HTRA1: variants seen among roughly 807,000 people sequenced by gnomAD.
The protein encoded by HTRA1 is serine protease HTRA1.
In HTRA1, 26 loss-of-function variants were observed where a neutral mutation model predicts 49.7. That is an observed-to-expected ratio of 0.52 (90% CI 0.38 to 0.73). The LOEUF (loss-of-function observed/expected upper bound fraction) is 0.73. HTRA1 is among the 30% of genes least tolerant of loss of function. HTRA1 has a pLI of 0.00. For synonymous variants in HTRA1, 291 were observed against 286.9 expected, an observed-to-expected ratio of 1.01 and a Z score of -0.14; for missense variants, 561 against 667.2, an observed-to-expected ratio of 0.84 and a Z score of 1.75.
chr10:122,507,755 C>T (rs1591040598), intron 5 of HTRA1, among the ~76,000 whole-genome samples: 2 of 152,182 alleles, frequency 1.3e-5, no homozygotes, highest in South Asian at 4.1e-4. Context: ...ACCGAAAGCA[C>T]CTCCTCCAAA....
intron 3 of HTRA1, among the ~76,000 whole-genome samples, chr10:122,497,208 CCTT>C (rs1171623329): frequency 6.6e-6 from 1 of 152,176 alleles, no homozygotes. Context: ...CATGGTATTT[CCTT>C]CTTTGCTTTA....
At chr10:122,479,936 C>T (rs528036212) in intron 1 of HTRA1, among the ~76,000 whole-genome samples, 185 of 152,216 alleles carry the variant, frequency 1.2e-3, no homozygotes, top group Non-Finnish European at 2.4e-3. Context: ...TTGAGAAGAG[C>T]CACTTGGAGG....
Position 122,496,225 on chromosome 10 carries a change from G to GTTTTTTTTTTTTTTTTT in HTRA1, c.777+6601_777+6602insTTTTTTTTTTTTTTTTT, listed in dbSNP as rs1287521208. Among the ~76,000 whole-genome samples, 555 of 80,398 alleles carry GTTTTTTTTTTTTTTTTT rather than the reference G, an allele frequency of 6.9e-3. 234 individuals are homozygous for GTTTTTTTTTTTTTTTTT. Among genetic ancestry groups the GTTTTTTTTTTTTTTTTT allele is most frequent in the Middle Eastern group, 0.016 (2 of 122 alleles). 52.7% of individuals were successfully genotyped at this position (80,398 alleles called of 152,430 possible). A position where few individuals can be genotyped will look rare whatever the true frequency, so the allele number is the denominator to read the frequency against. On this transcript the variant is annotated intron_variant, in intron 3 of 8. Transcript: ENST00000368984. ...CCCTTTCGTTTGCCAGAGATTGTGGGTTCTTTTTTTTTTTTTTTTTTTTTT... is the reference window on the plus strand; with the variant it reads ...CCCTTTCGTTTGCCAGAGATTGTGGGTTTTTTTTTTTTTTTTTTTCTTTTTTTTTTTTTTTTTTTTTT...
chr10:122,502,466 G>C (rs1486131812), intron 3 of HTRA1, among the ~76,000 whole-genome samples: 1 of 152,164 alleles, frequency 6.6e-6, no homozygotes, highest in Non-Finnish European at 1.5e-5. Flanking sequence ...GAGACCTGGA[G>C]CCCATGGCCA....
intron 1 of HTRA1, among the ~76,000 whole-genome samples, chr10:122,470,351 G>C (rs1296017455): frequency 2.6e-5 from 4 of 152,210 alleles, no homozygotes; most frequent in African/African-American, 9.6e-5. Context: ...GCAGGATACT[G>C]TGAAAGTCCA....
rs1367387185 is a variant in HTRA1 at position 122,494,244 on chromosome 10, G to A, written c.777+4618G>A. Among the ~76,000 whole-genome samples, 1 of 152,130 alleles carries A rather than the reference G, an allele frequency of 6.6e-6. No individual in the cohort carries two copies. The highest frequency in any genetic ancestry group is 1.5e-5 in the Non-Finnish European group (1 of 68,030). On this transcript the variant is annotated intron_variant, in intron 3 of 8. Transcript: ENST00000368984. The surrounding 1 kb of genome is among the most constrained non-coding windows in gnomAD (Gnocchi z 4.0). ...GGGGTTGGGGGCACATCCGGCTGTC[G>A]GTCCTCAGGTAGGAGGTGCTTGGCA...
intron 1 of HTRA1, among the ~76,000 whole-genome samples, chr10:122,485,617 TC>T (rs1468665068): frequency 6.6e-6 from 1 of 152,154 alleles, no homozygotes; most frequent in African/African-American, 2.4e-5. Flanking sequence ...CTCCTTGATC[TC>T]CCTTGTTGCT....
chr10:122,465,680 G>A (rs1032292746), intron 1 of HTRA1, among the ~76,000 whole-genome samples: 12 of 152,196 alleles, frequency 7.9e-5, no homozygotes, highest in African/African-American at 2.9e-4. Flanking sequence ...GGAGCCTGAA[G>A]ACAAGGTTGC....
chr10:122,462,589 G>C (rs7915081), intron 1 of HTRA1, among the ~76,000 whole-genome samples: 20,030 of 152,282 alleles, frequency 0.13, 1,827 homozygotes, highest in African/African-American at 0.25. Context: ...TCACTGCTTT[G>C]ATCACGGGAC....
chr10:122,464,202 G>A lies in HTRA1; in HGVS notation c.472+2078G>A, dbSNP rs2097482787. 6.6e-6 allele frequency among the ~76,000 whole-genome samples: 1 copy of A among 152,184 alleles called. No individual in the cohort carries two copies. Among genetic ancestry groups the A allele is most frequent in the South Asian group, 2.1e-4 (1 of 4,828 alleles). On this transcript the variant is annotated intron_variant, in intron 1 of 8. Transcript: ENST00000368984. This position sits in a 1 kb window ranked among gnomAD's most constrained non-coding sequence, Gnocchi z 4.8. ...TCGCTGTTTGTGGTCTCATCGCACG[G>A]GGTCCTGAGTTGCTGGCACCATGCG...
At chr10:122,469,796 C>T (rs2097485366) in intron 1 of HTRA1, among the ~76,000 whole-genome samples, 1 of 152,228 alleles carries the variant, frequency 6.6e-6, no homozygotes, top group Non-Finnish European at 1.5e-5. Context: ...ATGTCTGTTT[C>T]ACTCCCAAAC....
At chr10:122,512,155 C>A in intron 8 of HTRA1, 90 bp downstream of exon 8, 1 of 935,372 alleles carries the variant, frequency 1.1e-6, no homozygotes, top group Non-Finnish European at 1.8e-6. Context: ...TTTCTACTGG[C>A]TCAGATGATT....
intron 5 of HTRA1, among the ~76,000 whole-genome samples, chr10:122,508,291 C>T (rs780825020): frequency 1.3e-5 from 2 of 152,216 alleles, no homozygotes; most frequent in Non-Finnish European, 2.9e-5. Flanking sequence ...ATCTTAAGAT[C>T]ATTAGACATG....
In HTRA1 at chr10:122,510,105, T is replaced by C. The variant is rs1384480576; in HGVS notation, c.1130T>C (p.Ile377Thr). ...TTTGTTGTCTCACCAGGAAAAGCCA[T>C]CACCAAGAAGAAGTATATTGGTATC... Reference protein sequence around the residue: ...SHDRQAKGKAITKKKYIGIRM... With the variant: ...SHDRQAKGKATTKKKYIGIRM... Residue 377 changes from isoleucine to threonine, a missense_variant, in exon 7 of 9, where the codon ATC becomes ACC. Physicochemically the swap from Ile to Thr is moderately conservative, Grantham distance 89. This residue lies in a region of HTRA1 where 179 missense variants were observed against 173.4 expected (regional missense o/e 1.03). Transcript: ENST00000368984. 1.2e-6 allele frequency: 2 copies of C among 1,614,006 alleles called. No individual in the cohort carries two copies. Among genetic ancestry groups the C allele is most frequent in the South Asian group, 2.2e-5 (2 of 91,080 alleles).
intron 4 of HTRA1, among the ~76,000 whole-genome samples, chr10:122,507,140 G>A (rs2097503403): frequency 6.6e-6 from 1 of 152,140 alleles, no homozygotes; most frequent in African/African-American, 2.4e-5. Context: ...ATTGCAGTTG[G>A]CTTCTGGGCT....
intron 1 of HTRA1, among the ~76,000 whole-genome samples, chr10:122,483,525 A>C (rs956497548): frequency 6.6e-6 from 1 of 152,204 alleles, no homozygotes; most frequent in Non-Finnish European, 1.5e-5. Context: ...TAAGTCATTC[A>C]GTTTTTTATT....
intron 1 of HTRA1, among the ~76,000 whole-genome samples, chr10:122,476,628 G>T (rs2097488601): frequency 6.6e-6 from 1 of 152,216 alleles, no homozygotes; most frequent in African/African-American, 2.4e-5. Context: ...GGTCCCAGTT[G>T]TCCTGGGCCT....
chr10:122,505,128 T>C (rs2097502511), intron 3 of HTRA1, among the ~76,000 whole-genome samples: 2 of 152,192 alleles, frequency 1.3e-5, no homozygotes, highest in African/African-American at 2.4e-5. Context: ...CAGTGGACCA[T>C]TGAGGTAGCT....
At chr10:122,497,883 G>A (rs531777014) in intron 3 of HTRA1, among the ~76,000 whole-genome samples, 3 of 152,328 alleles carry the variant, frequency 2.0e-5, no homozygotes, top group East Asian at 1.9e-4. Flanking sequence ...CATCAAAGGC[G>A]CTGATGTATG....
Sources: gnomAD v4.1 joint callset for allele counts (sites outside exome capture counted in the v4.1 genomes callset) on GRCh38, gnomAD v4.1.1 for gene constraint, gnomAD v4.1.1 regional missense constraint, Gnocchi (gnomAD v3.1) non-coding constraint, MANE v1.5 for transcripts, NCBI Gene and HGNC (gene_info 2026-07-23, HGNC 2026-07-21) for gene names.